FSTL5: variants seen among roughly 807,000 people sequenced by gnomAD.
FSTL5 encodes the protein follistatin-related protein 5.
A neutral mutation model predicts 89.1 loss-of-function variants in FSTL5; 62 were observed. The ratio of observed to expected loss-of-function variants is 0.70; its 90% confidence interval spans 0.57 to 0.86. The LOEUF is 0.86. Among genes scored for constraint, FSTL5 ranks in the 40% least tolerant of loss-of-function variants. The pLI is 0.00. For synonymous variants in FSTL5, 383 were observed against 346.2 expected (o/e 1.11, Z -1.18); for missense variants, 1,057 against 1,001.6 (o/e 1.06, Z -0.75).
At chr4:162,104,408 G>A (rs34447640) in intron 2 of FSTL5, among the ~76,000 whole-genome samples, 18,197 of 152,106 alleles carry the variant, frequency 0.12, 1,231 homozygotes, top group Middle Eastern at 0.25. Context: ...GGAAGCCTCC[G>A]GCTACCATCT....
chr4:161,869,378 T>C (rs1732190877), intron 4 of FSTL5, among the ~76,000 whole-genome samples: 1 of 152,178 alleles, frequency 6.6e-6, no homozygotes, highest in Non-Finnish European at 1.5e-5. Flanking sequence ...AGATCCAGAT[T>C]ACTAGTTGTG....
chr4:161,706,673 T>C (rs1191390987), intron 6 of FSTL5, among the ~76,000 whole-genome samples: 2 of 152,044 alleles, frequency 1.3e-5, no homozygotes, highest in African/African-American at 4.8e-5. Flanking sequence ...AAAAGCAGTT[T>C]ATAAATATTT....
At chr4:161,657,757 A>G (rs750827175) in intron 6 of FSTL5, among the ~76,000 whole-genome samples, 3 of 152,192 alleles carry the variant, frequency 2.0e-5, no homozygotes, top group Non-Finnish European at 2.9e-5. Context: ...ATGTGTTTGG[A>G]TTAAGGCCTG....
intron 3 of FSTL5, among the ~76,000 whole-genome samples, chr4:161,969,491 C>T (rs1178262971): frequency 6.6e-6 from 1 of 151,964 alleles, no homozygotes; most frequent in Non-Finnish European, 1.5e-5. Flanking sequence ...GATCAAAATA[C>T]CAATTTAGGT....
intron 1 of FSTL5, among the ~76,000 whole-genome samples, chr4:162,152,536 T>C (rs1733269792): frequency 6.6e-6 from 1 of 152,146 alleles, no homozygotes; most frequent in South Asian, 2.1e-4. Context: ...TGTCACACTA[T>C]TTGAATAAAC....
At chr4:162,143,749 C>CACACACACA (rs1561043231) in intron 1 of FSTL5, among the ~76,000 whole-genome samples, 3 of 62,884 alleles carry the variant, frequency 4.8e-5, no homozygotes, top group Non-Finnish European at 1.1e-4. Context: ...CACACACACA[C>CACACACACA]CCAGGAAAAA....
At chr4:161,500,250 G>A (rs1004831831) in intron 11 of FSTL5, 116 bp from the exon 12 acceptor site, 2 of 630,122 alleles carry the variant, frequency 3.2e-6, no homozygotes, top group East Asian at 5.7e-5. Context: ...GTTGTGTAAT[G>A]TTAATAAAGC....
intron 3 of FSTL5, among the ~76,000 whole-genome samples, chr4:162,025,344 A>T (rs1370308065): frequency 1.3e-5 from 2 of 152,156 alleles, no homozygotes; most frequent in African/African-American, 4.8e-5. Context: ...TGTACTTAAA[A>T]CATGATTTTT....
chr4:161,956,420 GTC>G (rs998606111), intron 3 of FSTL5, among the ~76,000 whole-genome samples: 1 of 151,818 alleles, frequency 6.6e-6, no homozygotes, highest in African/African-American at 2.4e-5. Context: ...AGGTATGAAA[GTC>G]TTATCCAAAG....
At chr4:161,596,895 A>G (rs987453956) in intron 7 of FSTL5, among the ~76,000 whole-genome samples, 2 of 151,954 alleles carry the variant, frequency 1.3e-5, no homozygotes, top group Admixed American at 6.6e-5. Context: ...TTTTCTTGTA[A>G]ATTTGTTTGA....
intron 6 of FSTL5, among the ~76,000 whole-genome samples, chr4:161,661,249 T>C (rs1736699123): frequency 6.6e-6 from 1 of 152,178 alleles, no homozygotes; most frequent in African/African-American, 2.4e-5. Context: ...AATATCGACA[T>C]CTTTGATGTT....
rs528609643 is a variant in FSTL5 at position 162,013,202 on chromosome 4, T to G, written c.160+20423A>C. 7.9e-5 allele frequency among the ~76,000 whole-genome samples: 12 copies of G among 151,938 alleles called. No individual in the cohort carries two copies. The South Asian group carries it at 2.5e-3, about 32-fold the overall frequency. On this transcript the variant is annotated intron_variant, in intron 3 of 15. Transcript: ENST00000306100. The stretch of plus-strand genomic sequence containing the variant: ...TCTGTCTTAAAAAAAAAAAAAAATT[T>G]TCAGTATACCTTCACAATGTCTATT...
At chr4:162,077,534 T>A (rs147113008) in intron 2 of FSTL5, among the ~76,000 whole-genome samples, 90 of 151,978 alleles carry the variant, frequency 5.9e-4, no homozygotes, top group African/African-American at 2.1e-3. Flanking sequence ...AGATCCAGCA[T>A]AGCCTGTGGG....
At chr4:161,610,790 T>A (rs998906243) in intron 7 of FSTL5, among the ~76,000 whole-genome samples, 8 of 148,362 alleles carry the variant, frequency 5.4e-5, no homozygotes, top group Non-Finnish European at 1.0e-4. Context: ...AATTTTTTTT[T>A]ATATTTTGGT....
intron 4 of FSTL5, among the ~76,000 whole-genome samples, chr4:161,795,011 A>T (rs1314292434): frequency 6.6e-6 from 1 of 151,926 alleles, no homozygotes. Flanking sequence ...ACATATATAT[A>T]CACAATATAT....
chr4:161,704,846 T>C (rs1301170358), intron 6 of FSTL5, among the ~76,000 whole-genome samples: 1 of 152,098 alleles, frequency 6.6e-6, no homozygotes, highest in Non-Finnish European at 1.5e-5. Flanking sequence ...ATCTTCTTTC[T>C]CATTACGAGC....
intron 6 of FSTL5, among the ~76,000 whole-genome samples, chr4:161,686,346 ATTTTTTTTTTTTTTT>A (rs1198667810): frequency 7.3e-4 from 9 of 12,296 alleles, no homozygotes; most frequent in African/African-American, 2.1e-3. Flanking sequence ...ATATATATAT[ATTTTTTTTTTTTTTT>A]TTTTTTTTTT....
chr4:161,872,935 G>A (rs1404348265), intron 4 of FSTL5, among the ~76,000 whole-genome samples: 3 of 151,808 alleles, frequency 2.0e-5, no homozygotes, highest in Non-Finnish European at 4.4e-5. Context: ...GAATGAGAGG[G>A]GAAAAAAGGA....
At chr4:161,974,416 G>A (rs2111024109) in intron 3 of FSTL5, among the ~76,000 whole-genome samples, 1 of 144,688 alleles carries the variant, frequency 6.9e-6, no homozygotes, top group East Asian at 2.1e-4. Flanking sequence ...ATAGATCAAT[G>A]GAACAGAACA....
Sources: allele counts gnomAD v4.1 joint callset (sites outside exome capture counted in the v4.1 genomes callset), GRCh38; gene constraint gnomAD v4.1.1; transcripts MANE v1.5; gene names NCBI Gene and HGNC (gene_info 2026-07-23, HGNC 2026-07-21).